ZFYVE16: variants seen among roughly 807,000 people sequenced by gnomAD.
ZFYVE16 encodes zinc finger FYVE-type containing 16.
In ZFYVE16, 89 loss-of-function variants were observed where a neutral mutation model predicts 138.1. The ratio of observed to expected loss-of-function variants is 0.64; its 90% confidence interval spans 0.54 to 0.77. The LOEUF (loss-of-function observed/expected upper bound fraction) is 0.77. Ranked by LOEUF, ZFYVE16 falls within the 30% of genes least tolerant of loss-of-function variation. The pLI, the probability that ZFYVE16 is intolerant of heterozygous loss-of-function variation, is 0.00. For missense variants in ZFYVE16, 1,793 were observed against 1,786.7 expected (o/e 1.00, Z -0.06); for synonymous variants, 596 against 618.3 (o/e 0.96, Z 0.53).
At chr5:80,426,289 T>TAA (rs1168657712) in intron 1 of ZFYVE16, among the ~76,000 whole-genome samples, 3 of 51,226 alleles carry the variant, frequency 5.9e-5, no homozygotes, top group African/African-American at 1.1e-4. Flanking sequence ...TATATATATA[T>TAA]ATATAATTAA....
At chr5:80,465,662 C>T (rs192179586) in intron 15 of ZFYVE16, among the ~76,000 whole-genome samples, 5 of 151,606 alleles carry the variant, frequency 3.3e-5, no homozygotes, top group Admixed American at 2.6e-4. Context: ...TCCTGCCTCG[C>T]CCTCCCAAAG....
intron 15 of ZFYVE16, among the ~76,000 whole-genome samples, chr5:80,460,818 T>C (rs1289800382): frequency 6.6e-6 from 1 of 152,200 alleles, no homozygotes; most frequent in African/African-American, 2.4e-5. Flanking sequence ...GTAAACATTT[T>C]CACTTTTACT....
chr5:80,422,102 G>A (rs1747291435), intron 1 of ZFYVE16, among the ~76,000 whole-genome samples: 1 of 152,156 alleles, frequency 6.6e-6, no homozygotes, highest in Admixed American at 6.5e-5. Context: ...CTGTTTGTCT[G>A]TTATTGGTGT....
intron 5 of ZFYVE16, 134 bp from the exon 6 acceptor site, chr5:80,442,989 C>T (rs768277305): frequency 1.2e-6 from 1 of 849,168 alleles, no homozygotes; most frequent in East Asian, 3.1e-5. Flanking sequence ...TTGCCAAGTG[C>T]TACTTCTTTT....
chr5:80,414,663 A>G (rs537934608), intron 1 of ZFYVE16, among the ~76,000 whole-genome samples: 1 of 152,366 alleles, frequency 6.6e-6, no homozygotes, highest in South Asian at 2.1e-4. Context: ...CATTTTGAAT[A>G]TATAGGTGAA....
In ZFYVE16 at chr5:80,437,063, C is replaced by T; in HGVS notation, c.378C>T (p.Ile126=). Residue 126 remains isoleucine, a synonymous_variant, in exon 4 of 19, where the codon ATC becomes ATT. Transcript: ENST00000505560. ...ATATGGGACGATGTAGTAAACCTAT[C>T]TGTGATCTGATAAGTGACATGGGTA... ...PLYMGRCSKP[I]CDLISDMGNL... The T allele has an allele frequency of 6.2e-7, 1 of 1,614,162 alleles. No homozygotes were observed. Among genetic ancestry groups the T allele is most frequent in the Non-Finnish European group, 8.5e-7 (1 of 1,180,020 alleles).
intron 15 of ZFYVE16, among the ~76,000 whole-genome samples, chr5:80,462,203 C>A (rs927943036): frequency 1.3e-5 from 2 of 152,034 alleles, no homozygotes; most frequent in Non-Finnish European, 2.9e-5. Context: ...TGTATGAGTC[C>A]ATTTTCACAC....
chr5:80,451,409 TGGA>T, intron 10 of ZFYVE16, 73 bp from the exon 11 acceptor site: 1 of 1,220,230 alleles, frequency 8.2e-7, no homozygotes, highest in Admixed American at 2.6e-5. Flanking sequence ...TTTTGGATTT[TGGA>T]CAAACTAAGA....
intron 11 of ZFYVE16, among the ~76,000 whole-genome samples, chr5:80,453,142 G>C (rs1752163013): frequency 6.6e-6 from 1 of 152,148 alleles, no homozygotes; most frequent in Non-Finnish European, 1.5e-5. Context: ...GAGAAAGAGA[G>C]AATCTATTTG....
Position 80,435,460 on chromosome 5 carries a change from C to A in ZFYVE16, c.70+1243C>A, listed in dbSNP as rs148494478. Among the ~76,000 whole-genome samples the A allele has an allele frequency of 3.2e-3, 493 of 152,292 alleles. 7 individuals are homozygous for A. Among genetic ancestry groups the A allele is most frequent in the East Asian group, 0.03 (154 of 5,166 alleles). ...CTGGGATGATAGGCGTGAGCCACCACGTCTGGGTGTTATTTTCTTTAAAAC... is the reference window on the plus strand; with the variant it reads ...CTGGGATGATAGGCGTGAGCCACCAAGTCTGGGTGTTATTTTCTTTAAAAC... On this transcript the variant is annotated intron_variant, in intron 3 of 18. Transcript: ENST00000505560.
At position 80,455,496 on chromosome 5, in the gene ZFYVE16, T is replaced by G. The variant is rs1426779461; in HGVS notation, c.3608-196T>G. ...TTGCAATGAGTCGAGATTGCACCGC[T>G]GCACTCCAGCCTGGGCAACAGAGTG... On this transcript the variant is annotated intron_variant, in intron 11 of 18. Coordinates refer to ENST00000505560, the MANE Select transcript of ZFYVE16 (RefSeq NM_001284236.3). 3 of 521,190 alleles carry G rather than the reference T, an allele frequency of 5.8e-6. No individual in the cohort carries two copies. In the Admixed American group the frequency reaches 1.1e-4, roughly 20 times the overall value. 32.3% of individuals were successfully genotyped at this position (521,190 alleles called of 1,614,324 possible).
chr5:80,412,019 C>G (rs953898814), intron 1 of ZFYVE16, among the ~76,000 whole-genome samples: 1 of 152,188 alleles, frequency 6.6e-6, no homozygotes, highest in Admixed American at 6.5e-5. Context: ...TCTCAAATTC[C>G]TGGGCTCAAG....
chr5:80,472,009 G>C (rs1488343932), intron 15 of ZFYVE16, among the ~76,000 whole-genome samples: 1 of 151,954 alleles, frequency 6.6e-6, no homozygotes, highest in African/African-American at 2.4e-5. Flanking sequence ...ACTTTGGTTG[G>C]TCCACATGAC....
chr5:80,407,821 C>T (rs1744816727), upstream of ZFYVE16, among the ~76,000 whole-genome samples: 1 of 152,204 alleles, frequency 6.6e-6, no homozygotes, highest in South Asian at 2.1e-4. Context: ...GAACCGAGTC[C>T]CGACCTAAGG....
intron 1 of ZFYVE16, among the ~76,000 whole-genome samples, chr5:80,422,691 G>T (rs938639954): frequency 1.3e-5 from 2 of 152,098 alleles, no homozygotes; most frequent in African/African-American, 4.8e-5. Flanking sequence ...CTGACCTTGT[G>T]ATCTGCCCGT....
Position 80,437,227 on chromosome 5 carries a change from A to T in ZFYVE16, c.542A>T (p.Asp181Val). 6.2e-7 allele frequency: 1 copy of T among 1,614,018 alleles called. No homozygotes were observed. Among genetic ancestry groups the T allele is most frequent in the African/African-American group, 1.3e-5 (1 of 75,074 alleles). ...CCCTGTGTTTCTTCAACAGACCATGATAGTGATACTGTCAGAGAACAACAG... is the reference window on the plus strand; with the variant it reads ...CCCTGTGTTTCTTCAACAGACCATGTTAGTGATACTGTCAGAGAACAACAG... ...DTPCVSSTDHDSDTVREQQND... is the reference protein window; with the variant it reads ...DTPCVSSTDHVSDTVREQQND... Residue 181 changes from aspartate to valine, a missense_variant, in exon 4 of 19, where the codon GAT (aspartate) becomes GTT (valine). Asp to Val is a radical substitution (Grantham distance 152, BLOSUM62 -3). This residue lies in a region of ZFYVE16 where 1,295 missense variants were observed against 1,204.3 expected (regional missense o/e 1.08). Transcript: ENST00000505560.
Position 80,448,369 on chromosome 5 carries a change from C to T in ZFYVE16, c.3068C>T (p.Pro1023Leu), listed in dbSNP as rs770937948. 8.9e-6 allele frequency: 14 copies of T among 1,567,750 alleles called. No homozygotes were observed. The highest frequency in any genetic ancestry group is 5.2e-6 in the Non-Finnish European group (6 of 1,158,952). The change falls in exon 8 of 19, where the codon CCC becomes CTC. Residue 1023 changes from proline (P) to leucine (L), a missense_variant. Physicochemically the swap from Pro to Leu is moderately conservative, Grantham distance 98. This residue lies in a region of ZFYVE16 where 1,295 missense variants were observed against 1,204.3 expected (regional missense o/e 1.08). Coordinates refer to ENST00000505560, the MANE Select transcript of ZFYVE16 (RefSeq NM_001284236.3). ...SLLPNDEDSLPPLLVASGEKG... is the reference protein window; with the variant it reads ...SLLPNDEDSLLPLLVASGEKG... ...CTACCTAATGATGAGGACAGTTTGC[C>T]CCCACTTCTGGTTGCATCTGGAGAA... is the stretch of plus-strand genomic sequence containing the variant.
chr5:80,466,832 T>C (rs1488935599), intron 15 of ZFYVE16, among the ~76,000 whole-genome samples: 2 of 152,128 alleles, frequency 1.3e-5, no homozygotes, highest in African/African-American at 4.8e-5. Context: ...TAGCCAAAAG[T>C]TTATAGCAAT....
At chr5:80,419,444 G>A (rs1397709911) in intron 1 of ZFYVE16, among the ~76,000 whole-genome samples, 1 of 152,136 alleles carries the variant, frequency 6.6e-6, no homozygotes, top group Admixed American at 6.6e-5. Flanking sequence ...AAATTGCCCT[G>A]ATTACTAGAA....
Sources: gnomAD v4.1 joint callset for allele counts (sites outside exome capture counted in the v4.1 genomes callset) on GRCh38, gnomAD v4.1.1 for gene constraint, gnomAD v4.1.1 regional missense constraint, MANE v1.5 for transcripts, NCBI Gene and HGNC (gene_info 2026-07-23, HGNC 2026-07-21) for gene names.